Variants in FRY observed in about 807,000 individuals in gnomAD.
The protein encoded by FRY is protein furry homolog.
FRY carries 128 observed loss-of-function variants against 348.4 expected under a neutral mutation model. That is an observed-to-expected ratio of 0.37 (90% CI 0.32 to 0.43). FRY has a LOEUF of 0.43. FRY is among the 20% of genes least tolerant of loss of function. FRY has a pLI of 1.00. For missense variants in FRY, 2,736 were observed against 3,695.2 expected, an observed-to-expected ratio of 0.74 and a Z score of 6.73; for synonymous variants, 1,370 against 1,374.7, an observed-to-expected ratio of 1.00 and a Z score of 0.08.
chr13:32,167,666 A>G (rs535541518), intron 17 of FRY, among the ~76,000 whole-genome samples: 4 of 152,354 alleles, frequency 2.6e-5, no homozygotes, highest in Middle Eastern at 3.4e-3. Flanking sequence ...TGTCATTACT[A>G]TCAGTTAACA....
Position 32,157,325 on chromosome 13 carries a change from G to A in FRY, c.1704G>A (p.Arg568=). The A allele has an allele frequency of 6.2e-7, 1 of 1,612,188 alleles. No individual in the cohort carries two copies. Among genetic ancestry groups the A allele is most frequent in the Non-Finnish European group, 8.5e-7 (1 of 1,178,416 alleles). ...QVRKAVDNIL[R]HLDKEVGRCM... is the part of the protein sequence containing the mutation. ...GAAAAGCTGTAGACAACATTTTAAG[G>A]CACCTTGATAAAGAAGTAGGAAGGT... The change falls in exon 16 of 61, where the codon AGG becomes AGA. Residue 568 remains arginine (R), a synonymous_variant. Transcript: ENST00000542859.
chr13:32,143,092 G>C (rs1307565445), intron 11 of FRY, among the ~76,000 whole-genome samples: 2 of 152,204 alleles, frequency 1.3e-5, no homozygotes, highest in Non-Finnish European at 2.9e-5. Flanking sequence ...CCTACCACAA[G>C]GCAGAGGCAG....
intron 3 of FRY, among the ~76,000 whole-genome samples, chr13:32,116,255 T>C (rs1334875394): frequency 2.0e-5 from 3 of 152,198 alleles, no homozygotes; most frequent in Admixed American, 6.5e-5. Context: ...GGTATATGAA[T>C]ATATCCACTT....
intron 58 of FRY, among the ~76,000 whole-genome samples, chr13:32,285,017 C>A (rs1460818): frequency 0.24 from 36,279 of 152,006 alleles, 4,938 homozygotes; most frequent in East Asian, 0.51. Flanking sequence ...GCTTCTTGAT[C>A]TTTTGTTTCC....
chr13:32,175,244 G>T (rs1566111717), intron 19 of FRY, among the ~76,000 whole-genome samples: 1 of 152,188 alleles, frequency 6.6e-6, no homozygotes, highest in Non-Finnish European at 1.5e-5. Flanking sequence ...ACACTGTAGT[G>T]AATAATGTAT....
rs2072090756 is a variant in FRY at position 32,297,917 on chromosome 13, T to G, written c.*2457T>G. On this transcript the variant is annotated 3_prime_UTR_variant, in exon 61 of 61. Transcript: ENST00000542859. Reference sequence around the variant, plus strand: ...TTTCTAGCACTGAAACATGATACACTTTGTATCCACCTGCAGAATAAAGCA... The same window carrying G: ...TTTCTAGCACTGAAACATGATACACGTTGTATCCACCTGCAGAATAAAGCA... 6.6e-6 allele frequency: 1 copy of G among 152,230 alleles called. No individual in the cohort carries two copies. Among genetic ancestry groups the G allele is most frequent in the Non-Finnish European group, 1.5e-5 (1 of 68,044 alleles). 9.4% of individuals were successfully genotyped at this position (152,230 alleles called of 1,614,324 possible). A position where few individuals can be genotyped will look rare whatever the true frequency, so the allele number is the denominator to read the frequency against.
rs185290960 is a variant in FRY at position 32,190,405 on chromosome 13, A to G, written c.3591+2749A>G. On this transcript the variant is annotated intron_variant, in intron 28 of 60. Transcript: ENST00000542859. ...TCACAGGTGACACAATTGTGTGTGT[A>G]GGAAATTCCAACAAGTCTTTAGATA... Among the ~76,000 whole-genome samples, 578 of 152,236 alleles carry G rather than the reference A, an allele frequency of 3.8e-3. 3 individuals are homozygous for G. The highest frequency in any genetic ancestry group is 0.013 in the African/African-American group (555 of 41,578).
At chr13:32,076,683 G>A (rs1283223959) in intron 1 of FRY, among the ~76,000 whole-genome samples, 3 of 152,128 alleles carry the variant, frequency 2.0e-5, no homozygotes, top group African/African-American at 7.2e-5. Flanking sequence ...AAGACCTGCA[G>A]AAATAAAGTC....
chr13:32,239,488 A>G lies in FRY; in HGVS notation c.6516+139A>G. ...AATAACTAATATCACAGTAATGGAA[A>G]TATAGGGGTGGCTGATGCAAATTGT... On this transcript the variant is annotated intron_variant, in intron 45 of 60. Coordinates refer to ENST00000542859, the MANE Select transcript of FRY (RefSeq NM_023037.3). The surrounding 1 kb of genome is among the most constrained non-coding windows in gnomAD (Gnocchi z 4.3). The G allele has an allele frequency of 4.1e-6, 3 of 729,516 alleles. No individual in the cohort carries two copies. Among genetic ancestry groups the G allele is most frequent in the Non-Finnish European group, 7.5e-6 (3 of 401,906 alleles). The allele number at this position is 729,516 out of a possible 1,614,324, so 45.2% of individuals were successfully genotyped here. A position where few individuals can be genotyped will look rare whatever the true frequency, so the allele number is the denominator to read the frequency against.
chr13:32,146,924 A>G (rs1162713797), intron 11 of FRY, among the ~76,000 whole-genome samples: 1 of 152,214 alleles, frequency 6.6e-6, no homozygotes, highest in African/African-American at 2.4e-5. Context: ...ATTTAAAAGG[A>G]CATAATCAAC....
At chr13:32,198,218 G>A (rs994752459) in intron 29 of FRY, among the ~76,000 whole-genome samples, 1 of 152,084 alleles carries the variant, frequency 6.6e-6, no homozygotes, top group Admixed American at 6.5e-5. Context: ...CTAGTAAGAG[G>A]GAGGCTTTGT....
At chr13:32,284,449 T>C (rs1299763097) in intron 58 of FRY, among the ~76,000 whole-genome samples, 3 of 152,250 alleles carry the variant, frequency 2.0e-5, no homozygotes, top group Admixed American at 1.3e-4. Flanking sequence ...CAATCAGTCT[T>C]TCCTCTGTAA....
chr13:32,185,238 G>C (rs1882960462), intron 26 of FRY, 90 bp downstream of exon 26: 2 of 1,130,498 alleles, frequency 1.8e-6, no homozygotes, highest in African/African-American at 3.1e-5. Context: ...AACCCTACTG[G>C]CCTTTATGCA....
chr13:32,201,520 T>G (rs1194852871), intron 29 of FRY, among the ~76,000 whole-genome samples: 1 of 152,274 alleles, frequency 6.6e-6, no homozygotes, highest in Non-Finnish European at 1.5e-5. Context: ...TGTTTGGCAC[T>G]TAATAAATTT....
At chr13:32,043,056 T>TA (rs1271610802) in intron 1 of FRY, among the ~76,000 whole-genome samples, 1 of 152,210 alleles carries the variant, frequency 6.6e-6, no homozygotes. Context: ...TTATTGGACT[T>TA]ACGTTTCCAT....
intron 29 of FRY, among the ~76,000 whole-genome samples, chr13:32,196,400 AT>A (rs1883678681): frequency 1.3e-5 from 2 of 152,186 alleles, no homozygotes; most frequent in African/African-American, 4.8e-5. Context: ...AAAGGATTAA[AT>A]TTTTTTAAAT....
chr13:32,237,278 G>T lies in FRY; in HGVS notation c.5811-101G>T. 2 of 1,159,030 alleles carry T rather than the reference G, an allele frequency of 1.7e-6. No individual in the cohort carries two copies. The highest frequency in any genetic ancestry group is 2.6e-5 in the South Asian group (2 of 77,686). The allele number at this position is 1,159,030 out of a possible 1,614,324, so 71.8% of individuals were successfully genotyped here. On this transcript the variant is annotated intron_variant, in intron 43 of 60. Coordinates refer to ENST00000542859, the MANE Select transcript of FRY (RefSeq NM_023037.3). This position sits in a 1 kb window ranked among gnomAD's most constrained non-coding sequence, Gnocchi z 6.3. The stretch of plus-strand genomic sequence containing the variant: ...ATGAATAGAAAGTGGCATTTCTAAA[G>T]AATGATTTCCCTCCTGCAGTGTTTC...
intron 3 of FRY, among the ~76,000 whole-genome samples, chr13:32,102,680 T>C (rs1322096054): frequency 6.6e-6 from 1 of 152,170 alleles, no homozygotes; most frequent in Admixed American, 6.5e-5. Context: ...CAGTAGGTAA[T>C]AAACATATGA....
chr13:32,214,221 T>C (rs1884848433), intron 35 of FRY, among the ~76,000 whole-genome samples: 1 of 152,242 alleles, frequency 6.6e-6, no homozygotes, highest in Non-Finnish European at 1.5e-5. Flanking sequence ...AGTCTACTTA[T>C]CACCCTTCCT....
Sources: allele counts gnomAD v4.1 joint callset (sites outside exome capture counted in the v4.1 genomes callset), GRCh38; gene constraint gnomAD v4.1.1; non-coding constraint Gnocchi (gnomAD v3.1); transcripts MANE v1.5; gene names NCBI Gene and HGNC (gene_info 2026-07-23, HGNC 2026-07-21).